CFAP47: variants seen among roughly 807,000 people sequenced by gnomAD.
CFAP47 encodes the protein cilia- and flagella-associated protein 47.
A neutral mutation model predicts 148.1 loss-of-function variants in CFAP47; 29 were observed. The ratio of observed to expected loss-of-function variants is 0.20; its 90% CI spans 0.15 to 0.27. The LOEUF (loss-of-function observed/expected upper bound fraction) is 0.27. CFAP47 is among the 10% of genes least tolerant of loss of function. The pLI is 1.00. For synonymous variants in CFAP47, 664 were observed against 577.3 expected (o/e 1.15, Z -2.15); for missense variants, 1,872 against 1,697.5 (o/e 1.10, Z -1.81).
At chrX:36,158,789 A>C (rs759898534) in intron 37 of CFAP47, among the ~76,000 whole-genome samples, 1 of 111,331 alleles carries the variant, frequency 9.0e-6, no homozygotes, top group East Asian at 2.8e-4. Flanking sequence ...GCATTTTTAC[A>C]GTGCATATGT....
chrX:36,083,267 A>G (rs1464697240), intron 29 of CFAP47, among the ~76,000 whole-genome samples: 1 of 110,629 alleles, frequency 9.0e-6, no homozygotes, highest in African/African-American at 3.3e-5. Flanking sequence ...ATGCATGTAT[A>G]CATGCATGTA....
At position 36,284,546 on chromosome X, in the gene CFAP47, A is replaced by G. The variant is rs185718241; in HGVS notation, c.7589-1083A>G. Among the ~76,000 whole-genome samples, 132 of 111,521 alleles carry G rather than the reference A, an allele frequency of 1.2e-3. 1 individual carries two copies. Among genetic ancestry groups the G allele is most frequent in the African/African-American group, 4.0e-3 (124 of 30,792 alleles). On this transcript the variant is annotated intron_variant, in intron 50 of 63. Coordinates refer to ENST00000378653, the MANE Select transcript of CFAP47 (RefSeq NM_001304548.2). ...ATGCAATACAATCCCATACAAAGCT[A>G]TGAACGCCATACAGTGCAATACAAT...
intron 57 of CFAP47, among the ~76,000 whole-genome samples, chrX:36,326,088 A>T (rs1556012980): frequency 9.0e-6 from 1 of 111,160 alleles, no homozygotes; most frequent in Non-Finnish European, 1.9e-5. Flanking sequence ...AGGTAACAGT[A>T]TATGTATGAG....
At chrX:36,061,072 G>C (rs1279172715) in intron 26 of CFAP47, among the ~76,000 whole-genome samples, 2 of 110,916 alleles carry the variant, frequency 1.8e-5, no homozygotes. Flanking sequence ...TTGGATCAAG[G>C]GGGTAGATTT....
At chrX:35,963,369 C>A (rs1475325048) in intron 8 of CFAP47, among the ~76,000 whole-genome samples, 1 of 110,779 alleles carries the variant, frequency 9.0e-6, no homozygotes, top group African/African-American at 3.3e-5. Flanking sequence ...ATATTAAATA[C>A]TATATATTTA....
At position 36,126,882 on chromosome X, in the gene CFAP47, G is replaced by A. The variant is rs189130693; in HGVS notation, c.5321-11076G>A. On this transcript the variant is annotated intron_variant, in intron 33 of 63. Coordinates refer to ENST00000378653, the MANE Select transcript of CFAP47 (RefSeq NM_001304548.2). ...GCATTTTTTCATATGACTGTTGGCTGCATAAATGTCTTCTTTTGAGAAATG... is the reference window on the plus strand; with the variant it reads ...GCATTTTTTCATATGACTGTTGGCTACATAAATGTCTTCTTTTGAGAAATG... Among the ~76,000 whole-genome samples the A allele has an allele frequency of 3.1e-4, 35 of 112,386 alleles. No individual in the cohort carries two copies. In the East Asian group the frequency reaches 9.8e-3, roughly 32 times the overall value.
At chrX:36,011,626 A>G (rs1396192493) in intron 21 of CFAP47, among the ~76,000 whole-genome samples, 2 of 112,232 alleles carry the variant, frequency 1.8e-5, no homozygotes, top group Non-Finnish European at 3.8e-5. Flanking sequence ...AGCACATTGC[A>G]TCAGTCCTTC....
chrX:36,068,727 G>T (rs927997010), intron 27 of CFAP47, among the ~76,000 whole-genome samples: 4 of 108,459 alleles, frequency 3.7e-5, no homozygotes, highest in African/African-American at 1.3e-4. Flanking sequence ...GGAGGCTGAA[G>T]CAGGCAGATC....
intron 29 of CFAP47, among the ~76,000 whole-genome samples, chrX:36,075,826 G>T (rs1951205872): frequency 9.0e-6 from 1 of 111,318 alleles, no homozygotes; most frequent in Non-Finnish European, 1.9e-5. Flanking sequence ...TAAGATAATG[G>T]TCCAGCTGCA....
intron 17 of CFAP47, among the ~76,000 whole-genome samples, chrX:35,992,508 T>G (rs908989624): frequency 4.5e-5 from 5 of 111,329 alleles, no homozygotes; most frequent in African/African-American, 1.6e-4. Flanking sequence ...TCTGCCCAAA[T>G]TAAGTCTTTA....
chrX:35,993,890 A>G (rs1373460742), intron 18 of CFAP47, among the ~76,000 whole-genome samples: 2 of 111,909 alleles, frequency 1.8e-5, no homozygotes, highest in South Asian at 7.4e-4. Context: ...TGTAATTTCT[A>G]TATGATTTTA....
chrX:36,293,430 A>G (rs1941211543), intron 51 of CFAP47, among the ~76,000 whole-genome samples: 1 of 112,536 alleles, frequency 8.9e-6, no homozygotes, highest in African/African-American at 3.2e-5. Context: ...GGTGGGTGGC[A>G]TACTCTGTGT....
chrX:36,170,243 G>A (rs1342669038), intron 39 of CFAP47, among the ~76,000 whole-genome samples: 1 of 111,512 alleles, frequency 9.0e-6, no homozygotes, highest in East Asian at 2.8e-4. Flanking sequence ...CTTACCTGTG[G>A]TTTTTGTTGC....
chrX:36,326,571 A>T (rs1556013070), intron 57 of CFAP47, among the ~76,000 whole-genome samples: 1 of 111,895 alleles, frequency 8.9e-6, no homozygotes, highest in East Asian at 2.8e-4. Context: ...GGAACTTATT[A>T]GGAACTGGAA....
chrX:36,204,936 A>G, intron 44 of CFAP47, 21 bp from the exon 45 acceptor site: 1 of 296,908 alleles, frequency 3.4e-6, no homozygotes, highest in East Asian at 4.8e-5. Context: ...ATTACATTCT[A>G]ATTTTACTGT....
At chrX:36,107,590 A>C (rs1463057829) in intron 33 of CFAP47, among the ~76,000 whole-genome samples, 1 of 112,197 alleles carries the variant, frequency 8.9e-6, no homozygotes, top group Non-Finnish European at 1.9e-5. Flanking sequence ...AGACAAGCCA[A>C]CAGCTTATTA....
rs186908961 is a variant in CFAP47, at chrX:36,039,936, A to G, written c.4007+757A>G. 3.5e-4 allele frequency among the ~76,000 whole-genome samples: 39 copies of G among 112,125 alleles called. No homozygotes were observed. The East Asian group carries it at 0.011, about 31-fold the overall frequency. ...TCAAAGTCAATTAATCAGAGACCTT[A>G]ATTACACCTGAAAAGTCTATAAATA... On this transcript the variant is annotated intron_variant, in intron 25 of 63. Transcript: ENST00000378653.
Position 36,038,976 on chromosome X carries a change from T to C in CFAP47, c.3812-8T>C. On this transcript the variant is annotated splice_polypyrimidine_tract_variant and splice_region_variant and intron_variant, in intron 24 of 63. Coordinates refer to ENST00000378653, the MANE Select transcript of CFAP47 (RefSeq NM_001304548.2). Reference sequence around the variant, plus strand: ...TTTAAAATACCCTTAAAATTTGTTTTTCATTAGATCGTCCTGGGACATACA... The same window carrying C: ...TTTAAAATACCCTTAAAATTTGTTTCTCATTAGATCGTCCTGGGACATACA... The C allele has an allele frequency of 8.3e-6, 8 of 966,276 alleles. No homozygotes were observed. The highest frequency in any genetic ancestry group is 1.1e-5 in the Non-Finnish European group (8 of 740,259). 79.6% of individuals were successfully genotyped at this position (966,276 alleles called of 1,213,427 possible). A position where few individuals can be genotyped will look rare whatever the true frequency, so the allele number is the denominator to read the frequency against.
intron 49 of CFAP47, among the ~76,000 whole-genome samples, chrX:36,254,378 G>T (rs1222283673): frequency 9.0e-6 from 1 of 111,587 alleles, no homozygotes; most frequent in Non-Finnish European, 1.9e-5. Context: ...AGCAATGCAG[G>T]TAGACATTTT....
Sources: allele counts gnomAD v4.1 joint callset (sites outside exome capture counted in the v4.1 genomes callset), GRCh38; gene constraint gnomAD v4.1.1; transcripts MANE v1.5; gene names NCBI Gene and HGNC (gene_info 2026-07-23, HGNC 2026-07-21).